Variants in TPTE2 observed in about 807,000 individuals in gnomAD.
TPTE2 encodes the protein transmembrane phosphoinositide 3-phosphatase and tensin homolog 2.
Under a neutral mutation model 78.6 loss-of-function variants are expected in TPTE2, and 53 were observed. The ratio of observed to expected loss-of-function variants is 0.67; its 90% CI spans 0.54 to 0.85. The LOEUF (loss-of-function observed/expected upper bound fraction) is 0.85. TPTE2 is among the 40% of genes least tolerant of loss of function. The pLI, the probability that TPTE2 is intolerant of heterozygous loss-of-function variation, is 0.00. For missense variants in TPTE2, 461 were observed against 623.0 expected (o/e 0.74, Z 2.77); for synonymous variants, 175 against 206.2 (o/e 0.85, Z 1.30).
chr13:19,488,441 G>A (rs1308691641), intron 3 of TPTE2, among the ~76,000 whole-genome samples: 8 of 152,216 alleles, frequency 5.3e-5, no homozygotes, highest in Non-Finnish European at 8.8e-5. Flanking sequence ...TGTCTACATT[G>A]AAAATCTGTT....
At chr13:19,430,402 T>C (rs1488776988) in intron 17 of TPTE2, 66 bp downstream of exon 20, 17 of 1,197,982 alleles carry the variant, frequency 1.4e-5, no homozygotes, top group Non-Finnish European at 2.1e-5. Flanking sequence ...GAGGTGAACA[T>C]TGCTGGTTTG....
At chr13:19,546,349 A>C in the TPTE2 span, among the ~76,000 whole-genome samples, 1 of 152,162 alleles carries the variant, frequency 6.6e-6, no homozygotes, top group Non-Finnish European at 1.5e-5. Context: ...AGAGCCTTCA[A>C]GAGAGTGGAA....
chr13:19,476,010 C>A (rs1170910459), intron 4 of TPTE2, among the ~76,000 whole-genome samples: 1 of 152,156 alleles, frequency 6.6e-6, no homozygotes, highest in African/African-American at 2.4e-5. Context: ...TTGGCCAGAT[C>A]TCAGTTTCCA....
At chr13:19,544,791 T>A in the TPTE2 span, among the ~76,000 whole-genome samples, 1 of 152,160 alleles carries the variant, frequency 6.6e-6, no homozygotes, top group South Asian at 2.1e-4. Context: ...CCAGCTATCA[T>A]ACTTAATAGG....
At chr13:19,491,259 A>AT (rs1880972876) in intron 3 of TPTE2, among the ~76,000 whole-genome samples, 1 of 152,168 alleles carries the variant, frequency 6.6e-6, no homozygotes, top group African/African-American at 2.4e-5. Flanking sequence ...TACTGTTGTC[A>AT]TTTCACTGAA....
At chr13:19,458,659 G>A (rs1593368741) in intron 10 of TPTE2, 3 of 495,508 alleles carry the variant, frequency 6.1e-6, no homozygotes, top group East Asian at 1.1e-4. Flanking sequence ...CCTTTTCCAC[G>A]GTGTGGCACT....
chr13:19,425,672 T>C (rs12860359), intron 18 of TPTE2: 68,509 of 503,570 alleles, frequency 0.14, 5,437 homozygotes, highest in Middle Eastern at 0.25. Context: ...CAAATTAGAC[T>C]TCCCCTCAGG....
intron 3 of TPTE2, among the ~76,000 whole-genome samples, chr13:19,485,245 G>T (rs1880595973): frequency 6.6e-6 from 1 of 152,022 alleles, no homozygotes; most frequent in African/African-American, 2.4e-5. Flanking sequence ...CTGGTCTAGT[G>T]GTGATGAATT....
At chr13:19,523,868 G>A (rs1455815601) in intron 1 of TPTE2, among the ~76,000 whole-genome samples, 3 of 152,200 alleles carry the variant, frequency 2.0e-5, no homozygotes, top group Non-Finnish European at 4.4e-5. Context: ...TGAAACTAAA[G>A]TCATCAGTCA....
At position 19,486,440 on chromosome 13, in the gene TPTE2, G is replaced by A. The variant is rs747103305; in HGVS notation, c.120-3893C>T. On this transcript the variant is annotated intron_variant, in intron 3 of 19. Coordinates refer to ENST00000400230, the Ensembl canonical transcript of TPTE2. The surrounding 1 kb of genome is among the most constrained non-coding windows in gnomAD (Gnocchi z 4.3). The stretch of plus-strand genomic sequence containing the variant: ...GAAAACTTGGAGTATGGCCTTATGC[G>A]GCTGGCCATGGTGCTGTCACTCTAG... Among the ~76,000 whole-genome samples the A allele has an allele frequency of 2.6e-5, 4 of 152,134 alleles. No homozygotes were observed. The highest frequency in any genetic ancestry group is 1.3e-4 in the Admixed American group (2 of 15,268).
At chr13:19,525,591 T>A (rs1197529784) in intron 1 of TPTE2, among the ~76,000 whole-genome samples, 5 of 151,808 alleles carry the variant, frequency 3.3e-5, no homozygotes, top group Non-Finnish European at 5.9e-5. Flanking sequence ...AACTATAAAA[T>A]CCCTGGAAGA....
At chr13:19,467,551 A>G (rs1221128034) in intron 6 of TPTE2, among the ~76,000 whole-genome samples, 1 of 152,168 alleles carries the variant, frequency 6.6e-6, no homozygotes, top group East Asian at 1.9e-4. Context: ...ATCATTTGAC[A>G]TTTATATGTG....
At chr13:19,484,877 G>A (rs992283791) in intron 3 of TPTE2, among the ~76,000 whole-genome samples, 9 of 151,910 alleles carry the variant, frequency 5.9e-5, no homozygotes, top group African/African-American at 9.7e-5. Context: ...TTTCTTTACC[G>A]GTAAGATGAG....
At chr13:19,450,000 A>G in intron 13 of TPTE2, 76 bp downstream of exon 16, 2 of 1,519,536 alleles carry the variant, frequency 1.3e-6, no homozygotes, top group Non-Finnish European at 1.8e-6. Context: ...TAATAGCAAT[A>G]CGTATCTTGT....
chr13:19,482,252 ACT>A (rs1880401052), intron 4 of TPTE2, among the ~76,000 whole-genome samples: 1 of 152,124 alleles, frequency 6.6e-6, no homozygotes, highest in South Asian at 2.1e-4. Flanking sequence ...CTCTAAGAAT[ACT>A]TTTTACATTT....
At chr13:19,503,238 T>C in exon 1 of TPTE2, 5 of 1,613,760 alleles carry the variant, frequency 3.1e-6, no homozygotes, top group Non-Finnish European at 4.2e-6. Flanking sequence ...CATTCATACG[T>C]GCCTCTGGGT....
At chr13:19,522,573 ATTTG>A (rs1870217914) in intron 1 of TPTE2, among the ~76,000 whole-genome samples, 1 of 145,076 alleles carries the variant, frequency 6.9e-6, no homozygotes, top group Non-Finnish European at 1.5e-5. Context: ...TACTCTCAGC[ATTTG>A]TTTTTTTCTT....
intron 1 of TPTE2, among the ~76,000 whole-genome samples, chr13:19,530,777 G>A (rs896971388): frequency 2.0e-5 from 3 of 152,028 alleles, no homozygotes; most frequent in African/African-American, 7.3e-5. Context: ...CTCCCACCTC[G>A]GCATCCCAAT....
At chr13:19,466,929 A>G (rs1374278989) in intron 7 of TPTE2, among the ~76,000 whole-genome samples, 7 of 152,228 alleles carry the variant, frequency 4.6e-5, no homozygotes, top group African/African-American at 1.7e-4. Flanking sequence ...ATTCGATGAG[A>G]ACTTCAAAAT....
Sources: gnomAD v4.1 joint callset for allele counts (sites outside exome capture counted in the v4.1 genomes callset) on GRCh38, gnomAD v4.1.1 for gene constraint, Gnocchi (gnomAD v3.1) non-coding constraint, MANE v1.5 for transcripts, NCBI Gene and HGNC (gene_info 2026-07-23, HGNC 2026-07-21) for gene names.